Variants in VAV3 observed in about 807,000 individuals in gnomAD.
VAV3 encodes the protein vav guanine nucleotide exchange factor 3, also known as guanine nucleotide exchange factor VAV3.
A neutral mutation model predicts 131.2 loss-of-function variants in VAV3; 94 were observed. The observed-to-expected ratio is 0.72, with a 90% CI of 0.61 to 0.85. The LOEUF is 0.85. Among genes scored for constraint, VAV3 ranks in the 40% least tolerant of loss-of-function variants. The pLI, the probability that VAV3 is intolerant of heterozygous loss-of-function variation, is 0.00. For synonymous variants in VAV3, 349 were observed against 342.0 expected (o/e 1.02, Z -0.22); for missense variants, 939 against 1,002.7 (o/e 0.94, Z 0.86).
At chr1:107,651,120 G>A (rs1471251491) in intron 19 of VAV3, among the ~76,000 whole-genome samples, 1 of 152,090 alleles carries the variant, frequency 6.6e-6, no homozygotes, top group Non-Finnish European at 1.5e-5. Flanking sequence ...TGAGAACACT[G>A]AGAAGACAGC....
intron 15 of VAV3, among the ~76,000 whole-genome samples, chr1:107,716,315 G>C (rs1040586900): frequency 5.3e-5 from 8 of 152,178 alleles, no homozygotes; most frequent in South Asian, 2.1e-4. Context: ...CAAACAGCCA[G>C]CCAGTAAAGA....
At chr1:107,889,132 A>AGTGTGTGTGTGT (rs5776903) in intron 1 of VAV3, among the ~76,000 whole-genome samples, 5,840 of 141,950 alleles carry the variant, frequency 0.041, 133 homozygotes, top group Admixed American at 0.045. Flanking sequence ...TCCTGTGTAG[A>AGTGTGTGTGTGT]GTGTGTGTGT....
intron 1 of VAV3, among the ~76,000 whole-genome samples, chr1:107,960,472 A>AAAAAG (rs984436948): frequency 6.6e-6 from 1 of 151,968 alleles, no homozygotes; most frequent in Admixed American, 6.6e-5. Context: ...TCTCAAAAAA[A>AAAAAG]AAAAGAAAAG....
At chr1:107,675,305 A>T (rs981896692) in intron 19 of VAV3, among the ~76,000 whole-genome samples, 12 of 152,204 alleles carry the variant, frequency 7.9e-5, no homozygotes, top group African/African-American at 2.7e-4. Flanking sequence ...TTGATACTTC[A>T]TTATCTCATT....
intron 25 of VAV3, among the ~76,000 whole-genome samples, chr1:107,594,293 A>G (rs898557418): frequency 6.6e-6 from 1 of 152,096 alleles, no homozygotes; most frequent in Non-Finnish European, 1.5e-5. Flanking sequence ...TTGTCTTCTT[A>G]ATTGCTATAT....
intron 12 of VAV3, among the ~76,000 whole-genome samples, chr1:107,752,827 T>C (rs1663820113): frequency 6.6e-6 from 1 of 152,162 alleles, no homozygotes; most frequent in Non-Finnish European, 1.5e-5. Flanking sequence ...GTGGAAAAAC[T>C]GAAACCCTTG....
intron 1 of VAV3, among the ~76,000 whole-genome samples, chr1:107,945,495 T>C (rs370644519): frequency 5.6e-4 from 85 of 152,292 alleles, no homozygotes; most frequent in African/African-American, 1.9e-3. Flanking sequence ...AAAATATAAG[T>C]GGCCCCTGCC....
At chr1:107,854,229 G>C (rs540372687) in intron 2 of VAV3, among the ~76,000 whole-genome samples, 4 of 152,214 alleles carry the variant, frequency 2.6e-5, no homozygotes, top group Non-Finnish European at 4.4e-5. Context: ...AGAATCACTT[G>C]AACCTGGGAG....
rs1320336264 is a variant in VAV3, at chr1:107,572,088, G to C, written c.*1243C>G. ...GTTAGTGTCTTAACTTGACTGCCTT[G>C]AATGGGGACTCTGGACCCCAGGAAG... is the stretch of plus-strand genomic sequence containing the variant. On this transcript the variant is annotated 3_prime_UTR_variant, in exon 27 of 27. Coordinates refer to ENST00000370056, the MANE Select transcript of VAV3 (RefSeq NM_006113.5). 1 of 152,220 alleles carries C rather than the reference G, an allele frequency of 6.6e-6. No homozygotes were observed. Among genetic ancestry groups the C allele is most frequent in the Non-Finnish European group, 1.5e-5 (1 of 68,048 alleles). The allele number at this position is 152,220 out of a possible 1,614,324, so 9.4% of individuals were successfully genotyped here.
intron 9 of VAV3, among the ~76,000 whole-genome samples, 187 bp from the exon 10 acceptor site, chr1:107,761,066 T>A (rs1308264480): frequency 6.6e-6 from 1 of 152,122 alleles, no homozygotes; most frequent in Non-Finnish European, 1.5e-5. Context: ...ACTCTAAACA[T>A]GAATAAAAGA....
chr1:107,925,593 G>A lies in VAV3; in HGVS notation c.204+39073C>T, dbSNP rs555329532. Among the ~76,000 whole-genome samples, 10 of 152,174 alleles carry A rather than the reference G, an allele frequency of 6.6e-5. No individual in the cohort carries two copies. The South Asian group carries it at 2.1e-3, about 32-fold the overall frequency. On this transcript the variant is annotated intron_variant, in intron 1 of 26. Coordinates refer to ENST00000370056, the MANE Select transcript of VAV3 (RefSeq NM_006113.5). ...ATAAGCTAGTCACAAGTGCACAAAT[G>A]TATGATTCTACTTACATGAGGTATC...
intron 2 of VAV3, among the ~76,000 whole-genome samples, chr1:107,842,157 T>C (rs1262473565): frequency 5.3e-5 from 8 of 152,206 alleles, no homozygotes; most frequent in Non-Finnish European, 1.2e-4. Context: ...CATACTTATA[T>C]TGTCTACCTA....
Position 107,708,894 on chromosome 1 carries a change from C to T in VAV3, c.1503-3833G>A, listed in dbSNP as rs533920958. On this transcript the variant is annotated intron_variant, in intron 15 of 26. Coordinates refer to ENST00000370056, the MANE Select transcript of VAV3 (RefSeq NM_006113.5). Reference sequence around the variant, plus strand: ...GTCAATTCAAGCTTAAAAATACCTCCTCAAAAACTCAGGTTCCATACAAAC... The same window carrying T: ...GTCAATTCAAGCTTAAAAATACCTCTTCAAAAACTCAGGTTCCATACAAAC... 1.2e-4 allele frequency among the ~76,000 whole-genome samples: 19 copies of T among 152,088 alleles called. 1 individual carries two copies. In the South Asian group the frequency reaches 1.9e-3, roughly 15 times the overall value.
chr1:107,642,557 G>T lies in VAV3; in HGVS notation c.1914+62C>A. 3.8e-6 allele frequency: 6 copies of T among 1,576,124 alleles called. No homozygotes were observed. The South Asian group carries it at 7.0e-5, about 18-fold the overall frequency. ...GGACTCGCCCTGAATTCCTTCTTGG[G>T]CAAGATTTAAGAACCCTCTCTTGGG... On this transcript the variant is annotated intron_variant, in intron 20 of 26. Coordinates refer to ENST00000370056, the MANE Select transcript of VAV3 (RefSeq NM_006113.5).
At chr1:107,753,539 T>TACAC (rs571474769) in intron 12 of VAV3, among the ~76,000 whole-genome samples, 17 of 83,808 alleles carry the variant, frequency 2.0e-4, no homozygotes, top group East Asian at 4.7e-4. Flanking sequence ...TATATATATA[T>TACAC]ATATATATAT....
intron 15 of VAV3, among the ~76,000 whole-genome samples, chr1:107,748,328 A>G (rs1663484439): frequency 6.6e-6 from 1 of 152,186 alleles, no homozygotes; most frequent in Non-Finnish European, 1.5e-5. Flanking sequence ...ACTAAAAAGA[A>G]ACACCTATAA....
intron 2 of VAV3, among the ~76,000 whole-genome samples, chr1:107,782,438 T>A (rs921637840): frequency 6.6e-6 from 1 of 152,222 alleles, no homozygotes; most frequent in East Asian, 1.9e-4. Context: ...CTGAATTGAA[T>A]GTGTTTTATA....
intron 19 of VAV3, chr1:107,669,341 T>C (rs868353105): frequency 1.1e-5 from 14 of 1,289,684 alleles, no homozygotes; most frequent in Admixed American, 4.6e-5. Context: ...GTCTGTCTCC[T>C]GTTATTTTCA....
At chr1:107,591,306 T>A (rs1233405694) in intron 25 of VAV3, among the ~76,000 whole-genome samples, 2 of 152,200 alleles carry the variant, frequency 1.3e-5, no homozygotes, top group East Asian at 3.9e-4. Flanking sequence ...TTTGTTTTTG[T>A]CTGTTCTTGT....
Sources: allele counts gnomAD v4.1 joint callset (sites outside exome capture counted in the v4.1 genomes callset), GRCh38; gene constraint gnomAD v4.1.1; transcripts MANE v1.5; gene names NCBI Gene and HGNC (gene_info 2026-07-23, HGNC 2026-07-21).